HSD11B2: variants seen among roughly 807,000 people sequenced by gnomAD.
HSD11B2 encodes hydroxysteroid 11-beta dehydrogenase 2, also known as 11-beta-hydroxysteroid dehydrogenase type 2.
A neutral mutation model predicts 20.9 loss-of-function variants in HSD11B2; 17 were observed. That is an observed-to-expected ratio of 0.81 (90% CI 0.56 to 1.22). HSD11B2 has a LOEUF of 1.22. Ranked by LOEUF, HSD11B2 falls within the 50% of genes most tolerant of loss-of-function variation. The pLI, the probability that HSD11B2 is intolerant of heterozygous loss-of-function variation, is 0.00. For missense variants in HSD11B2, 480 were observed against 563.6 expected (o/e 0.85, Z 1.50); for synonymous variants, 253 against 255.4 (o/e 0.99, Z 0.09).
upstream of HSD11B2, among the ~76,000 whole-genome samples, chr16:67,430,468 G>A (rs1297426002): frequency 6.6e-6 from 1 of 152,214 alleles, no homozygotes; most frequent in Non-Finnish European, 1.5e-5. This position sits in a 1 kb window ranked among gnomAD's most constrained non-coding sequence, Gnocchi z 5.4. Context: ...GGAAAGACGG[G>A]GCAGAGACTC....
At position 67,431,415 on chromosome 16, in the gene HSD11B2, C is replaced by T; in HGVS notation, c.167C>T (p.Ala56Val). Residue 56 changes from alanine to valine, a missense_variant, in exon 1 of 5, where the codon GCC (alanine) becomes GTC (valine). Coordinates refer to ENST00000326152, the MANE Select transcript of HSD11B2 (RefSeq NM_000196.4). Reference protein sequence around the residue: ...WLCQRLLPPPAALAVLAAAGW... With the variant: ...WLCQRLLPPPVALAVLAAAGW... ...TGCCAGCGCCTGCTGCCCCCGCCGG[C>T]CGCACTCGCCGTGCTGGCCGCCGCC... 7.8e-7 allele frequency: 1 copy of T among 1,286,264 alleles called. No individual in the cohort carries two copies. Among genetic ancestry groups the T allele is most frequent in the Non-Finnish European group, 9.8e-7 (1 of 1,020,000 alleles). The allele number at this position is 1,286,264 out of a possible 1,614,324, so 79.7% of individuals were successfully genotyped here. A position where few individuals can be genotyped will look rare whatever the true frequency, so the allele number is the denominator to read the frequency against.
At chr16:67,434,366 G>C (rs1165880475) in intron 1 of HSD11B2, among the ~76,000 whole-genome samples, 2 of 152,232 alleles carry the variant, frequency 1.3e-5, no homozygotes, top group African/African-American at 4.8e-5. Flanking sequence ...GGGAAGGGAG[G>C]TGGGGCTCAT....
rs2040931065 is a variant in HSD11B2 at position 67,431,298 on chromosome 16, C to T, written c.50C>T (p.Ala17Val). Residue 17 changes from alanine (A) to valine (V), a missense_variant, in exon 1 of 5, where the codon GCC becomes GTC. Physicochemically the swap from Ala to Val is moderately conservative, Grantham distance 64. Coordinates refer to ENST00000326152, the MANE Select transcript of HSD11B2 (RefSeq NM_000196.4). ...GGCGGCGCCTGGCTGCTCGTGGCTG[C>T]CCGCGCGCTGCTGCAGCTGCTGCGC... is the stretch of plus-strand genomic sequence containing the variant. The part of the protein sequence containing the change: ...PSGGAWLLVA[A>V]RALLQLLRSD... 7.9e-7 allele frequency: 1 copy of T among 1,264,660 alleles called. No individual in the cohort carries two copies. The highest frequency in any genetic ancestry group is 1.0e-6 in the Non-Finnish European group (1 of 994,942). 78.3% of individuals were successfully genotyped at this position (1,264,660 alleles called of 1,614,324 possible). A position where few individuals can be genotyped will look rare whatever the true frequency, so the allele number is the denominator to read the frequency against.
intron 1 of HSD11B2, among the ~76,000 whole-genome samples, chr16:67,434,703 T>C (rs921190021): frequency 6.6e-6 from 1 of 152,042 alleles, no homozygotes; most frequent in African/African-American, 2.4e-5. Context: ...GGCAACATAG[T>C]GAGACTCCCA....
chr16:67,430,175 G>A (rs1161448134), upstream of HSD11B2, among the ~76,000 whole-genome samples: 2 of 152,126 alleles, frequency 1.3e-5, no homozygotes, highest in Non-Finnish European at 1.5e-5. This position sits in a 1 kb window ranked among gnomAD's most constrained non-coding sequence, Gnocchi z 5.4. Context: ...ACACAAGCAT[G>A]GAGACCTTCA....
chr16:67,430,509 C>T (rs2040922096), upstream of HSD11B2: 1 of 152,568 alleles, frequency 6.6e-6, no homozygotes, highest in Non-Finnish European at 1.5e-5. This position sits in a 1 kb window ranked among gnomAD's most constrained non-coding sequence, Gnocchi z 5.4. Context: ...CCTGTTCCCC[C>T]GCCAGCCCCT....
At position 67,436,810 on chromosome 16, in the gene HSD11B2, A is replaced by G. The variant is rs2040979386; in HGVS notation, c.1025A>G (p.Gln342Arg). ...CCCCGCCGCCGCTATTACCCCGGCC[A>G]GGGCCTGGGGCTCATGTACTTCATC... The part of the protein sequence containing the change: ...ARPRRRYYPG[Q>R]GLGLMYFIHY... The change falls in exon 5 of 5, where the codon CAG becomes CGG. Residue 342 changes from glutamine to arginine, a missense_variant. This residue lies in a region of HSD11B2 where 374 missense variants were observed against 480.9 expected (regional missense o/e 0.78). Transcript: ENST00000326152. The surrounding 1 kb of genome is among the most constrained non-coding windows in gnomAD (Gnocchi z 5.7). The G allele has an allele frequency of 6.2e-7, 1 of 1,613,790 alleles. No homozygotes were observed. The highest frequency in any genetic ancestry group is 1.3e-5 in the African/African-American group (1 of 75,052).
chr16:67,432,108 C>T (rs1331451387), intron 1 of HSD11B2, among the ~76,000 whole-genome samples: 1 of 152,094 alleles, frequency 6.6e-6, no homozygotes, highest in African/African-American at 2.4e-5. Context: ...AGTTTGGAGC[C>T]TACACCCAGC....
Position 67,431,514 on chromosome 16 carries a change from G to A in HSD11B2, c.265+1G>A. ...GCCACTCGCGCGGTGCTCATCACCG[G>A]TGAGTGCGCGGGTCGCGGAGCGCGG... On this transcript the variant is annotated splice_donor_variant, in intron 1 of 4. Transcript: ENST00000326152. LOFTEE classifies it high-confidence loss of function. The A allele has an allele frequency of 7.2e-7, 1 of 1,393,896 alleles. No homozygotes were observed. Among genetic ancestry groups the A allele is most frequent in the Non-Finnish European group, 9.3e-7 (1 of 1,072,080 alleles). 86.3% of individuals were successfully genotyped at this position (1,393,896 alleles called of 1,614,324 possible).
In HSD11B2 at chr16:67,436,409, G is replaced by A. The variant is rs1240235534; in HGVS notation, c.802+23G>A. ...CAGGTGGGAATCAGGGCTGGGGGTG[G>A]GGTGGGGGTGGGGAATGGGGCTGGG... On this transcript the variant is annotated intron_variant, in intron 4 of 4. Transcript: ENST00000326152. The surrounding 1 kb of genome is among the most constrained non-coding windows in gnomAD (Gnocchi z 5.7). 5.4e-5 allele frequency: 83 copies of A among 1,526,448 alleles called. No homozygotes were observed. Among genetic ancestry groups the A allele is most frequent in the Non-Finnish European group, 6.5e-5 (73 of 1,122,020 alleles). The allele number at this position is 1,526,448 out of a possible 1,614,324, so 94.6% of individuals were successfully genotyped here.
In HSD11B2 at chr16:67,431,359, G is replaced by C; in HGVS notation, c.111G>C (p.Ala37=). ...DLRLGRPLLA[A]LALLAALDWL... is the part of the protein sequence containing the mutation. ...GTCTGGGCCGCCCGCTGCTGGCGGCGCTGGCGCTGCTGGCCGCGCTCGACT... is the reference window on the plus strand; with the variant it reads ...GTCTGGGCCGCCCGCTGCTGGCGGCCCTGGCGCTGCTGGCCGCGCTCGACT... Residue 37 remains alanine, a synonymous_variant, in exon 1 of 5, where the codon GCG becomes GCC. Coordinates refer to ENST00000326152, the MANE Select transcript of HSD11B2 (RefSeq NM_000196.4). 1.6e-6 allele frequency: 2 copies of C among 1,240,018 alleles called. No homozygotes were observed. The highest frequency in any genetic ancestry group is 1.0e-6 in the Non-Finnish European group (1 of 982,900). The allele number at this position is 1,240,018 out of a possible 1,614,324, so 76.8% of individuals were successfully genotyped here. A position where few individuals can be genotyped will look rare whatever the true frequency, so the allele number is the denominator to read the frequency against.
Position 67,436,413 on chromosome 16 carries a change from G to A in HSD11B2, c.802+27G>A, listed in dbSNP as rs749968834. ...TGGGAATCAGGGCTGGGGGTGGGGTGGGGGTGGGGAATGGGGCTGGGAATG... is the reference window on the plus strand; with the variant it reads ...TGGGAATCAGGGCTGGGGGTGGGGTAGGGGTGGGGAATGGGGCTGGGAATG... On this transcript the variant is annotated intron_variant, in intron 4 of 4. Coordinates refer to ENST00000326152, the MANE Select transcript of HSD11B2 (RefSeq NM_000196.4). The surrounding 1 kb of genome is among the most constrained non-coding windows in gnomAD (Gnocchi z 5.7). The A allele has an allele frequency of 1.5e-5, 23 of 1,521,664 alleles. No individual in the cohort carries two copies. The highest frequency in any genetic ancestry group is 7.5e-5 in the Admixed American group (4 of 53,680). The allele number at this position is 1,521,664 out of a possible 1,614,324, so 94.3% of individuals were successfully genotyped here. A position where few individuals can be genotyped will look rare whatever the true frequency, so the allele number is the denominator to read the frequency against.
intron 1 of HSD11B2, among the ~76,000 whole-genome samples, chr16:67,433,581 G>A (rs528834899): frequency 6.6e-6 from 1 of 152,184 alleles, no homozygotes; most frequent in East Asian, 1.9e-4. Context: ...CCACAGAGCT[G>A]AGGCCTGTGG....
chr16:67,435,084 G>T (rs1000541781), intron 1 of HSD11B2, among the ~76,000 whole-genome samples: 2 of 150,270 alleles, frequency 1.3e-5, no homozygotes, highest in African/African-American at 4.9e-5. Flanking sequence ...CAGGCCTGTA[G>T]TCCCAGCTAC....
At position 67,431,121 on chromosome 16, in the gene HSD11B2, G is replaced by T; in HGVS notation, c.-128G>T. On this transcript the variant is annotated 5_prime_UTR_variant, in exon 1 of 5. Coordinates refer to ENST00000326152, the MANE Select transcript of HSD11B2 (RefSeq NM_000196.4). ...TAAGCTCGGCCCGAGGGCGAGCAGA[G>T]AAAGCGAGTGTCCCTCTCGCGCCCC... 3.1e-6 allele frequency: 1 copy of T among 324,612 alleles called. No homozygotes were observed. Among genetic ancestry groups the T allele is most frequent in the Non-Finnish European group, 4.5e-6 (1 of 223,090 alleles). 20.1% of individuals were successfully genotyped at this position (324,612 alleles called of 1,614,324 possible).
upstream of HSD11B2, among the ~76,000 whole-genome samples, chr16:67,430,146 T>TG (rs368268875): frequency 9.3e-5 from 10 of 107,660 alleles, no homozygotes; most frequent in South Asian, 1.8e-3. This position sits in a 1 kb window ranked among gnomAD's most constrained non-coding sequence, Gnocchi z 5.4. Context: ...GTGGGCAGGG[T>TG]GGGGGGCCAC....
upstream of HSD11B2, chr16:67,430,747 G>A (rs781115241): frequency 8.4e-4 from 129 of 152,694 alleles, no homozygotes; most frequent in Non-Finnish European, 1.3e-3. The surrounding 1 kb of genome is among the most constrained non-coding windows in gnomAD (Gnocchi z 5.4). Context: ...CCGGGATGCC[G>A]GTTGTGCGTG....
At chr16:67,431,653 G>T in intron 1 of HSD11B2, 140 bp downstream of exon 1, 1 of 955,382 alleles carries the variant, frequency 1.0e-6, no homozygotes, top group Non-Finnish European at 1.3e-6. Flanking sequence ...CCTGGGTGCA[G>T]GGAGCGAGCC....
At chr16:67,435,202 C>CAA (rs61663548) in intron 1 of HSD11B2, among the ~76,000 whole-genome samples, 110 of 62,996 alleles carry the variant, frequency 1.7e-3, no homozygotes, top group African/African-American at 3.0e-3. Flanking sequence ...GACCCTGTCT[C>CAA]AAAAAAAAAA....
Sources: allele counts gnomAD v4.1 joint callset (sites outside exome capture counted in the v4.1 genomes callset), GRCh38; gene constraint gnomAD v4.1.1; regional missense constraint gnomAD v4.1.1; non-coding constraint Gnocchi (gnomAD v3.1); transcripts MANE v1.5; gene names NCBI Gene and HGNC (gene_info 2026-07-23, HGNC 2026-07-21).